The following ZNF626 variants were observed in gnomAD, a reference collection of about 807,000 sequenced individuals.
The protein encoded by ZNF626 is CTC-513N18.7.
Under a neutral mutation model 11.7 loss-of-function variants are expected in ZNF626, and 4 were observed. The observed-to-expected ratio is 0.34, with a 90% confidence interval of 0.17 to 0.78. The LOEUF (loss-of-function observed/expected upper bound fraction) is 0.78, where lower values mean the gene tolerates loss of function less well. ZNF626 is among the 30% of genes least tolerant of loss of function. ZNF626 has a pLI of 0.57. For synonymous variants in ZNF626, 179 were observed against 198.6 expected (o/e 0.90, Z 0.83); for missense variants, 588 against 587.1 (o/e 1.00, Z -0.01).
At chr19:20,645,441 G>T (rs782387148) in intron 3 of ZNF626, 3 of 1,611,490 alleles carry the variant, frequency 1.9e-6, no homozygotes, top group African/African-American at 2.7e-5. Context: ...GAACTTGAAG[G>T]AAGCTCACTG....
intron 3 of ZNF626, among the ~76,000 whole-genome samples, chr19:20,629,866 A>G (rs1364416513): frequency 6.6e-6 from 1 of 152,202 alleles, no homozygotes; most frequent in Non-Finnish European, 1.5e-5. Context: ...CAGTTTTCAA[A>G]GGACATGCTT....
At chr19:20,640,907 G>A (rs1133742) in intron 3 of ZNF626, among the ~76,000 whole-genome samples, 1 of 152,080 alleles carries the variant, frequency 6.6e-6, no homozygotes, top group South Asian at 2.1e-4. Flanking sequence ...AGCAATTTGG[G>A]AGGCCAAGGT....
intron 1 of ZNF626, among the ~76,000 whole-genome samples, chr19:20,648,552 A>G (rs1417119398): frequency 6.7e-6 from 1 of 149,788 alleles, no homozygotes; most frequent in African/African-American, 2.5e-5. Flanking sequence ...AATTTTTTGT[A>G]TTTTAGTAGA....
rs12608992 is a variant in ZNF626 at position 20,621,103 on chromosome 19, G to A, written c.*3187C>T. On this transcript the variant is annotated 3_prime_UTR_variant, in exon 4 of 4. Transcript: ENST00000601440. ...CTGCCTGGGCCTCCCAAAGTGCTGG[G>A]ATTACAGGTGTAAGCCACTGTCCTG... is the stretch of plus-strand genomic sequence containing the variant. 84,067 of 148,590 alleles carry A rather than the reference G, an allele frequency of 0.57. 25,191 individuals carry two copies. Among genetic ancestry groups the A allele is most frequent in the East Asian group, 0.74 (3,741 of 5,054 alleles). The allele number at this position is 148,590 out of a possible 1,614,324, so 9.2% of individuals were successfully genotyped here.
In ZNF626 at chr19:20,661,525, C is replaced by T; in HGVS notation, c.-79G>A. ...AGGACACGGGGCCACACAGCCTGGGCCTTTAGGAGAAGAACCAGACCTGGA... is the reference window on the plus strand; with the variant it reads ...AGGACACGGGGCCACACAGCCTGGGTCTTTAGGAGAAGAACCAGACCTGGA... On this transcript the variant is annotated 5_prime_UTR_variant, in exon 1 of 4. Coordinates refer to ENST00000601440, the MANE Select transcript of ZNF626 (RefSeq NM_001076675.3). 1 of 1,474,240 alleles carries T rather than the reference C, an allele frequency of 6.8e-7. No homozygotes were observed. The highest frequency in any genetic ancestry group is 2.0e-5 in the Admixed American group (1 of 49,698). 91.3% of individuals were successfully genotyped at this position (1,474,240 alleles called of 1,614,324 possible). A position where few individuals can be genotyped will look rare whatever the true frequency, so the allele number is the denominator to read the frequency against.
intron 3 of ZNF626, among the ~76,000 whole-genome samples, chr19:20,627,932 C>A (rs1398988286): frequency 1.3e-5 from 2 of 152,158 alleles, no homozygotes; most frequent in Admixed American, 6.6e-5. Context: ...CTCCCCCTGC[C>A]CCTGACGCCA....
At chr19:20,634,685 T>C (rs1298207831) in intron 3 of ZNF626, among the ~76,000 whole-genome samples, 2 of 152,194 alleles carry the variant, frequency 1.3e-5, no homozygotes, top group East Asian at 1.9e-4. Flanking sequence ...TGTGAAGATG[T>C]CTATACTGTT....
At chr19:20,657,478 AAC>A (rs1970217132) in intron 1 of ZNF626, among the ~76,000 whole-genome samples, 1 of 152,174 alleles carries the variant, frequency 6.6e-6, no homozygotes, top group African/African-American at 2.4e-5. Context: ...CCTTTGCAAT[AAC>A]ACTGATGAAG....
chr19:20,647,894 C>T (rs1329066186), intron 1 of ZNF626, among the ~76,000 whole-genome samples: 1 of 151,906 alleles, frequency 6.6e-6, no homozygotes, highest in African/African-American at 2.4e-5. Context: ...CCATAAACAT[C>T]AGTTTTAGGC....
chr19:20,661,503 A>G lies in ZNF626; in HGVS notation c.-57T>C. On this transcript the variant is annotated 5_prime_UTR_variant, in exon 1 of 4. Transcript: ENST00000601440. ...CTGTGGATCTCCCAATACCTGCAGG[A>G]CACGGGGCCACACAGCCTGGGCCTT... 6.3e-7 allele frequency: 1 copy of G among 1,599,932 alleles called. No individual in the cohort carries two copies. Among genetic ancestry groups the G allele is most frequent in the Non-Finnish European group, 8.5e-7 (1 of 1,172,002 alleles).
chr19:20,625,610 C>G lies in ZNF626; in HGVS notation c.267G>C (p.Gln89His), dbSNP rs782123945. Residue 89 changes from glutamine to histidine, a missense_variant, in exon 4 of 4, where the codon CAG (glutamine) becomes CAC (histidine). By Grantham distance (24) the Gln-to-His change is conservative. Coordinates refer to ENST00000601440, the MANE Select transcript of ZNF626 (RefSeq NM_001076675.3). ...CTTTTTGGAAAGAATCTTTCATGCT[C>G]TGCTCTGGCCAAAGGTCTTGGGCAA... ...SHFAQDLWPE[Q>H]SMKDSFQKVV... 1 of 1,576,994 alleles carries G rather than the reference C, an allele frequency of 6.3e-7. No individual in the cohort carries two copies. The highest frequency in any genetic ancestry group is 8.6e-7 in the Non-Finnish European group (1 of 1,164,102).
chr19:20,639,558 T>C (rs921970721), intron 3 of ZNF626, among the ~76,000 whole-genome samples: 3 of 152,146 alleles, frequency 2.0e-5, no homozygotes, highest in Non-Finnish European at 4.4e-5. Context: ...GGCAACGTAG[T>C]CAGATCCGAA....
At chr19:20,656,943 G>A (rs1970211835) in intron 1 of ZNF626, among the ~76,000 whole-genome samples, 2 of 152,126 alleles carry the variant, frequency 1.3e-5, no homozygotes, top group Non-Finnish European at 2.9e-5. Flanking sequence ...TCTCATAATT[G>A]GGTATATAGC....
At chr19:20,635,357 C>CT (rs1452262152) in intron 3 of ZNF626, among the ~76,000 whole-genome samples, 8 of 152,296 alleles carry the variant, frequency 5.3e-5, no homozygotes, top group Middle Eastern at 3.4e-3. Context: ...ACTTGTCACT[C>CT]TAACTCTCAG....
At chr19:20,652,454 A>G (rs1337598845) in intron 1 of ZNF626, among the ~76,000 whole-genome samples, 1 of 152,234 alleles carries the variant, frequency 6.6e-6, no homozygotes, top group Non-Finnish European at 1.5e-5. Flanking sequence ...AAAGACAATA[A>G]GAGAAACACA....
At chr19:20,640,330 AAGAC>A (rs1970010746) in intron 3 of ZNF626, among the ~76,000 whole-genome samples, 1 of 126,498 alleles carries the variant, frequency 7.9e-6, no homozygotes, top group Admixed American at 7.9e-5. Context: ...ATACGGGAAA[AAGAC>A]ATGACACTGG....
At chr19:20,660,061 A>C (rs1448188983) in intron 1 of ZNF626, among the ~76,000 whole-genome samples, 2 of 151,976 alleles carry the variant, frequency 1.3e-5, no homozygotes, top group Non-Finnish European at 2.9e-5. Flanking sequence ...AGAGAGTTCA[A>C]GACCAGCCTG....
In ZNF626 at chr19:20,645,688, G is replaced by C; in HGVS notation, c.222C>G (p.Pro74=). 2 of 1,609,496 alleles carry C rather than the reference G, an allele frequency of 1.2e-6. No homozygotes were observed. Among genetic ancestry groups the C allele is most frequent in the Non-Finnish European group, 1.7e-6 (2 of 1,178,974 alleles). ...TMKRNEMIAK[P]SVMCSHFAQD... is the part of the protein sequence containing the mutation. ...TTCATTTTCACTCACACCTACCTGA[G>C]GGTTTGGCTATCATCTCATTTCTCT... The change falls in exon 3 of 4, where the codon CCC becomes CCG. Residue 74 remains proline, a synonymous_variant. Coordinates refer to ENST00000601440, the MANE Select transcript of ZNF626 (RefSeq NM_001076675.3).
chr19:20,628,023 T>C (rs1244195837), intron 3 of ZNF626, among the ~76,000 whole-genome samples: 1 of 152,186 alleles, frequency 6.6e-6, no homozygotes, highest in Non-Finnish European at 1.5e-5. Flanking sequence ...AGTGAGAACA[T>C]GCGGTGTTTG....
Sources: gnomAD v4.1 joint callset for allele counts (sites outside exome capture counted in the v4.1 genomes callset) on GRCh38, gnomAD v4.1.1 for gene constraint, MANE v1.5 for transcripts, NCBI Gene and HGNC (gene_info 2026-07-23, HGNC 2026-07-21) for gene names.